Variants in ZNF148 observed in about 807,000 individuals in gnomAD.
ZNF148 encodes Beta-Enolase Repressor Factor-1.
Under a neutral mutation model 67.7 loss-of-function variants are expected in ZNF148, and 7 were observed. The ratio of observed to expected loss-of-function variants is 0.10; its 90% CI spans 0.06 to 0.19. The LOEUF is 0.19. Ranked by LOEUF, ZNF148 falls within the 10% of genes least tolerant of loss-of-function variation. The pLI is 1.00. For missense variants in ZNF148, 583 were observed against 947.1 expected, an observed-to-expected ratio of 0.62 and a Z score of 5.05; for synonymous variants, 333 against 330.7, an observed-to-expected ratio of 1.01 and a Z score of -0.08.
intron 2 of ZNF148, among the ~76,000 whole-genome samples, chr3:125,325,124 A>C (rs1447266628): frequency 6.6e-6 from 1 of 152,178 alleles, no homozygotes; most frequent in Non-Finnish European, 1.5e-5. Flanking sequence ...TTTAATTATG[A>C]AAAACTGCAA....
rs114166173 is a variant in ZNF148 at position 125,259,701 on chromosome 3, C to G, written c.667+18025G>C. Among the ~76,000 whole-genome samples, 267 of 152,270 alleles carry G rather than the reference C, an allele frequency of 1.8e-3. 1 individual carries two copies. Among genetic ancestry groups the G allele is most frequent in the African/African-American group, 6.1e-3 (255 of 41,552 alleles). On this transcript the variant is annotated intron_variant, in intron 7 of 8. Coordinates refer to ENST00000360647, the MANE Select transcript of ZNF148 (RefSeq NM_021964.3). Reference sequence around the variant, plus strand: ...ATTGCACTGGGTGCGGTGGCTCATACCTGCAATCTCAGCACTTTGGGAGGC... The same window carrying G: ...ATTGCACTGGGTGCGGTGGCTCATAGCTGCAATCTCAGCACTTTGGGAGGC...
Position 125,288,245 on chromosome 3 carries a change from A to T in ZNF148, c.334-17T>A. 1.3e-6 allele frequency: 2 copies of T among 1,594,070 alleles called. No homozygotes were observed. Reference sequence around the variant, plus strand: ...TACGCTTATCTGTTTAAAAAAAGAAAAGCCAATTTTAGACATAAATAAAAA... The same window carrying T: ...TACGCTTATCTGTTTAAAAAAAGAATAGCCAATTTTAGACATAAATAAAAA... On this transcript the variant is annotated splice_polypyrimidine_tract_variant and intron_variant, in intron 4 of 8. Coordinates refer to ENST00000360647, the MANE Select transcript of ZNF148 (RefSeq NM_021964.3).
intron 2 of ZNF148, among the ~76,000 whole-genome samples, chr3:125,330,465 CAAAAAAAAAAA>C (rs200643048): frequency 5.9e-5 from 7 of 118,468 alleles, no homozygotes; most frequent in East Asian, 5.1e-4. Flanking sequence ...AACCCTATCT[CAAAAAAAAAAA>C]AAAAAAAAAA....
chr3:125,298,528 G>A (rs926183727), intron 4 of ZNF148, among the ~76,000 whole-genome samples: 2 of 151,468 alleles, frequency 1.3e-5, no homozygotes, highest in Middle Eastern at 3.4e-3. Flanking sequence ...CACAAGATGC[G>A]TCATTAAATG....
intron 3 of ZNF148, among the ~76,000 whole-genome samples, chr3:125,318,214 G>A (rs1225893656): frequency 1.3e-5 from 2 of 151,960 alleles, no homozygotes; most frequent in African/African-American, 4.8e-5. Context: ...TACAACAAAA[G>A]GTCCCATGCT....
intron 1 of ZNF148, among the ~76,000 whole-genome samples, chr3:125,363,092 T>C (rs575998310): frequency 9.8e-5 from 15 of 152,294 alleles, no homozygotes; most frequent in African/African-American, 3.4e-4. Flanking sequence ...TATGGCTGTC[T>C]TCCCCCAGCT....
chr3:125,275,131 G>A (rs939226152), intron 7 of ZNF148, among the ~76,000 whole-genome samples: 28 of 152,228 alleles, frequency 1.8e-4, no homozygotes, highest in East Asian at 7.7e-4. Context: ...TCAAGAATAC[G>A]AAGTAAAGAA....
intron 2 of ZNF148, among the ~76,000 whole-genome samples, chr3:125,327,574 A>G (rs1941086256): frequency 6.6e-6 from 1 of 152,190 alleles, no homozygotes; most frequent in Non-Finnish European, 1.5e-5. Context: ...TAACCCCAGC[A>G]CTTCGGGAGC....
rs1276867284 is a variant in ZNF148, at chr3:125,230,320, A to AT, written c.*2020dup. 3.3e-5 allele frequency: 5 copies of AT among 152,554 alleles called. No homozygotes were observed. Among genetic ancestry groups the AT allele is most frequent in the Non-Finnish European group, 4.4e-5 (3 of 68,014 alleles). 9.5% of individuals were successfully genotyped at this position (152,554 alleles called of 1,614,324 possible). A position where few individuals can be genotyped will look rare whatever the true frequency, so the allele number is the denominator to read the frequency against. On this transcript the variant is annotated 3_prime_UTR_variant, in exon 9 of 9. Transcript: ENST00000360647. Reference sequence around the variant, plus strand: ...GTTCCATTTTTAACGTATCACCTGAATGAAGCCTTTTTGTAATTATGTAAT... The same window carrying AT: ...GTTCCATTTTTAACGTATCACCTGAATTGAAGCCTTTTTGTAATTATGTAAT...
intron 2 of ZNF148, among the ~76,000 whole-genome samples, chr3:125,329,643 C>T (rs191880677): frequency 1.3e-5 from 2 of 151,658 alleles, no homozygotes; most frequent in East Asian, 1.9e-4. Context: ...CAGGCATGAG[C>T]GATCGCGCCT....
chr3:125,268,758 C>A (rs566415085), intron 7 of ZNF148, among the ~76,000 whole-genome samples: 200 of 152,018 alleles, frequency 1.3e-3, no homozygotes, highest in Non-Finnish European at 2.4e-3. Flanking sequence ...AGTAAGAGGA[C>A]TGCTTGAGGC....
intron 4 of ZNF148, among the ~76,000 whole-genome samples, chr3:125,305,354 G>C (rs1296038638): frequency 2.0e-5 from 3 of 152,158 alleles, no homozygotes; most frequent in African/African-American, 7.2e-5. Context: ...CAAAAGTGAT[G>C]AATTAACCCA....
At chr3:125,334,280 T>C (rs1318389557) in intron 1 of ZNF148, among the ~76,000 whole-genome samples, 1 of 152,222 alleles carries the variant, frequency 6.6e-6, no homozygotes, top group African/African-American at 2.4e-5. Flanking sequence ...TCACATGATA[T>C]ATTTTTACAA....
intron 3 of ZNF148, among the ~76,000 whole-genome samples, chr3:125,317,677 A>AGAGAGAGAGAGAGAGG (rs1940579443): frequency 8.1e-6 from 1 of 123,708 alleles, no homozygotes; most frequent in Admixed American, 8.2e-5. Context: ...AGAGAGAGAG[A>AGAGAGAGAGAGAGAGG]GAAATACATA....
chr3:125,252,435 T>A (rs1936880295), intron 7 of ZNF148, among the ~76,000 whole-genome samples: 1 of 152,126 alleles, frequency 6.6e-6, no homozygotes, highest in South Asian at 2.1e-4. Flanking sequence ...GTATATGGTG[T>A]AAGATAGAAA....
At chr3:125,327,061 G>GA (rs1479773067) in intron 2 of ZNF148, among the ~76,000 whole-genome samples, 1 of 151,412 alleles carries the variant, frequency 6.6e-6, no homozygotes, top group East Asian at 1.9e-4. Context: ...AAAAGGATGG[G>GA]AAAAAAAGGA....
chr3:125,286,432 C>A (rs150633138), intron 5 of ZNF148, among the ~76,000 whole-genome samples: 1 of 152,188 alleles, frequency 6.6e-6, no homozygotes, highest in Admixed American at 6.5e-5. Flanking sequence ...CAGACAGATA[C>A]ACCTCAGGTC....
At chr3:125,288,065 T>C in intron 5 of ZNF148, 38 bp downstream of exon 5, 2 of 1,612,732 alleles carry the variant, frequency 1.2e-6, no homozygotes, top group South Asian at 2.2e-5. Context: ...CAGTTGGAAT[T>C]AAGAGGTTGT....
In ZNF148 at chr3:125,232,237, C is replaced by T. The variant is rs575807078; in HGVS notation, c.*104G>A. On this transcript the variant is annotated 3_prime_UTR_variant, in exon 9 of 9. Coordinates refer to ENST00000360647, the MANE Select transcript of ZNF148 (RefSeq NM_021964.3). This position sits in a 1 kb window ranked among gnomAD's most constrained non-coding sequence, Gnocchi z 4.2. ...TTCATATCAGCTTAACTTGTTATTA[C>T]GCATTGCTCTTAAATCTGTACAGCA... The T allele has an allele frequency of 3.2e-5, 41 of 1,292,066 alleles. No individual in the cohort carries two copies. The highest frequency in any genetic ancestry group is 2.2e-4 in the African/African-American group (15 of 66,936). 80.0% of individuals were successfully genotyped at this position (1,292,066 alleles called of 1,614,324 possible).
Sources: allele counts gnomAD v4.1 joint callset (sites outside exome capture counted in the v4.1 genomes callset), GRCh38; gene constraint gnomAD v4.1.1; non-coding constraint Gnocchi (gnomAD v3.1); transcripts MANE v1.5; gene names NCBI Gene and HGNC (gene_info 2026-07-23, HGNC 2026-07-21).